The following RYR3 variants were observed in gnomAD, a reference collection of about 807,000 sequenced individuals.
RYR3 encodes the protein brain ryanodine receptor-calcium release channel.
Under a neutral mutation model 584.3 loss-of-function variants are expected in RYR3, and 207 were observed. The observed-to-expected ratio is 0.35, with a 90% confidence interval of 0.32 to 0.40. The LOEUF (loss-of-function observed/expected upper bound fraction) is 0.40, where lower values mean the gene tolerates loss of function less well. RYR3 is among the 10% of genes least tolerant of loss of function. RYR3 has a pLI of 1.00. For synonymous variants in RYR3, 2,416 were observed against 2,248.5 expected (o/e 1.07, Z -2.11); for missense variants, 5,616 against 6,089.2 (o/e 0.92, Z 2.59).
chr15:33,402,210 AATT>A (rs2042724774), intron 1 of RYR3, among the ~76,000 whole-genome samples: 1 of 152,210 alleles, frequency 6.6e-6, no homozygotes, highest in South Asian at 2.1e-4. Flanking sequence ...GTAGGAAAGA[AATT>A]ATAAGACACT....
At chr15:33,328,089 C>G (rs976995689) in intron 1 of RYR3, among the ~76,000 whole-genome samples, 4 of 152,166 alleles carry the variant, frequency 2.6e-5, no homozygotes, top group African/African-American at 9.7e-5. Context: ...TGATATAGCC[C>G]TAATGGCCAA....
At chr15:33,383,258 A>G (rs75368021) in intron 1 of RYR3, among the ~76,000 whole-genome samples, 3,872 of 148,632 alleles carry the variant, frequency 0.026, 63 homozygotes, top group African/African-American at 0.036. Context: ...GAGGAGTGTG[A>G]CATGACTGCC....
chr15:33,448,890 T>A (rs2046886839), intron 1 of RYR3, among the ~76,000 whole-genome samples: 1 of 151,426 alleles, frequency 6.6e-6, no homozygotes, highest in Admixed American at 6.6e-5. Context: ...GCCTGGAGTG[T>A]GGGGGAGAGA....
intron 16 of RYR3, among the ~76,000 whole-genome samples, chr15:33,595,987 T>C (rs980041380): frequency 6.6e-6 from 1 of 151,922 alleles, no homozygotes; most frequent in African/African-American, 2.4e-5. Context: ...CCCTCCTTTT[T>C]AAAAAATCAG....
intron 85 of RYR3, among the ~76,000 whole-genome samples, chr15:33,830,464 T>C (rs959982425): frequency 2.0e-5 from 3 of 152,260 alleles, no homozygotes; most frequent in Non-Finnish European, 4.4e-5. Flanking sequence ...TACAGCATAT[T>C]GTAAACATAA....
chr15:33,595,890 G>T (rs2059347727), intron 16 of RYR3, among the ~76,000 whole-genome samples: 1 of 151,968 alleles, frequency 6.6e-6, no homozygotes, highest in Admixed American at 6.6e-5. Flanking sequence ...TTGATTGTGT[G>T]AATTTTTTTT....
At position 33,508,211 on chromosome 15, in the gene RYR3, T is replaced by TTA. The variant is rs577760977; in HGVS notation, c.279+4478_279+4479dup. ...AGATGAAATATAAATATAAAATGAA[T>TTA]TATATAAATGGTATTTATAAAAATA... On this transcript the variant is annotated intron_variant, in intron 3 of 103. Transcript: ENST00000634891. Among the ~76,000 whole-genome samples the TTA allele has an allele frequency of 1.7e-4, 26 of 152,242 alleles. No individual in the cohort carries two copies. In the East Asian group the frequency reaches 4.8e-3, roughly 28 times the overall value.
At chr15:33,478,736 C>G (rs1423964092) in intron 2 of RYR3, among the ~76,000 whole-genome samples, 1 of 152,156 alleles carries the variant, frequency 6.6e-6, no homozygotes, top group African/African-American at 2.4e-5. Flanking sequence ...TTAGATATAT[C>G]CGGAACCCCA....
intron 60 of RYR3, 108 bp downstream of exon 60, chr15:33,757,704 A>G: frequency 7.9e-7 from 1 of 1,266,242 alleles, no homozygotes; most frequent in Non-Finnish European, 1.1e-6. Flanking sequence ...AAACTGGATG[A>G]TGTTTTGGTT....
intron 29 of RYR3, among the ~76,000 whole-genome samples, 174 bp downstream of exon 29, chr15:33,646,700 G>A (rs1169683036): frequency 1.3e-5 from 2 of 152,226 alleles, no homozygotes; most frequent in African/African-American, 2.4e-5. Context: ...GCAAGTACAC[G>A]TGTGTGTTTG....
chr15:33,837,806 A>C lies in RYR3; in HGVS notation c.11826A>C (p.Lys3942Asn). 6.2e-7 allele frequency: 1 copy of C among 1,614,040 alleles called. No individual in the cohort carries two copies. The highest frequency in any genetic ancestry group is 1.1e-5 in the South Asian group (1 of 91,074). Residue 3942 changes from lysine (K) to asparagine (N), a missense_variant, in exon 89 of 104, where the codon AAA (lysine) becomes AAC (asparagine). Around this residue, in one of 9 missense-constraint regions of RYR3, gnomAD observed 258 missense variants for 297.3 expected, o/e 0.87. Transcript: ENST00000634891. ...DPDGKGIISK[K>N]EFQKAMEGQK... ...ATGGTAAAGGAATTATCTCCAAAAA[A>C]GAATTCCAGAAGGCCATGGAAGGGC...
At chr15:33,717,593 G>A (rs1056835780) in intron 43 of RYR3, among the ~76,000 whole-genome samples, 2 of 152,160 alleles carry the variant, frequency 1.3e-5, no homozygotes, top group Non-Finnish European at 2.9e-5. Flanking sequence ...AGTTGTGTAG[G>A]AGGAACTGAA....
At chr15:33,557,173 C>T (rs2057120735) in intron 10 of RYR3, among the ~76,000 whole-genome samples, 1 of 116,198 alleles carries the variant, frequency 8.6e-6, no homozygotes, top group South Asian at 3.2e-4. Context: ...TGCTCAAACT[C>T]TGCAAGCCTC....
At chr15:33,573,665 A>G (rs1451938482) in intron 12 of RYR3, among the ~76,000 whole-genome samples, 7 of 152,224 alleles carry the variant, frequency 4.6e-5, no homozygotes, top group Admixed American at 6.5e-5. Context: ...CTTGAATTTA[A>G]TAAAAGAATT....
intron 60 of RYR3, among the ~76,000 whole-genome samples, chr15:33,768,319 C>G (rs1056563766): frequency 6.6e-6 from 1 of 152,198 alleles, no homozygotes; most frequent in Non-Finnish European, 1.5e-5. Context: ...TCATTTATCC[C>G]TGAATGTCAC....
intron 1 of RYR3, among the ~76,000 whole-genome samples, chr15:33,376,712 C>T (rs560298320): frequency 2.6e-5 from 4 of 152,186 alleles, no homozygotes; most frequent in African/African-American, 9.7e-5. Flanking sequence ...TCTAAGGTCA[C>T]GTTTTCCTCT....
intron 52 of RYR3, among the ~76,000 whole-genome samples, chr15:33,743,313 A>T (rs1403417808): frequency 1.3e-5 from 2 of 152,160 alleles, no homozygotes; most frequent in Non-Finnish European, 2.9e-5. Flanking sequence ...ATACCTCATG[A>T]TTCTAAAACA....
chr15:33,766,226 T>A (rs1042645154), intron 60 of RYR3, among the ~76,000 whole-genome samples: 2 of 149,334 alleles, frequency 1.3e-5, no homozygotes, highest in African/African-American at 2.5e-5. Flanking sequence ...GAGGTTGCAG[T>A]GAGCCGAGAT....
intron 1 of RYR3, among the ~76,000 whole-genome samples, chr15:33,456,170 C>T (rs2047542524): frequency 6.6e-6 from 1 of 152,220 alleles, no homozygotes; most frequent in South Asian, 2.1e-4. Flanking sequence ...CTCATTCTCA[C>T]TTCGCTGGAT....
Sources: gnomAD v4.1 joint callset for allele counts (sites outside exome capture counted in the v4.1 genomes callset) on GRCh38, gnomAD v4.1.1 for gene constraint, gnomAD v4.1.1 regional missense constraint, MANE v1.5 for transcripts, NCBI Gene and HGNC (gene_info 2026-07-23, HGNC 2026-07-21) for gene names.